Variants in NUDT3 observed in about 807,000 individuals in gnomAD.
NUDT3 encodes the protein nudix hydrolase 3, also known as diphosphoinositol polyphosphate phosphohydrolase 1.
A neutral mutation model predicts 23.6 loss-of-function variants in NUDT3; 9 were observed. That is an observed-to-expected ratio of 0.38 (90% CI 0.23 to 0.66). The LOEUF (loss-of-function observed/expected upper bound fraction) is 0.66. Ranked by LOEUF, NUDT3 falls within the 30% of genes least tolerant of loss-of-function variation. The pLI is 0.52. For missense variants in NUDT3, 172 were observed against 218.5 expected, an observed-to-expected ratio of 0.79 and a Z score of 1.34; for synonymous variants, 86 against 82.6, an observed-to-expected ratio of 1.04 and a Z score of -0.22.
At position 34,367,984 on chromosome 6, in the gene NUDT3, C is replaced by T. The variant is rs551437505; in HGVS notation, c.99+24280G>A. Reference sequence around the variant, plus strand: ...TTGGGAGGCTGAGGCAGGCGGATCACGAGGTCAGGAGTTCGAGACCAGACT... The same window carrying T: ...TTGGGAGGCTGAGGCAGGCGGATCATGAGGTCAGGAGTTCGAGACCAGACT... On this transcript the variant is annotated intron_variant, in intron 1 of 4. Coordinates refer to ENST00000607016, the MANE Select transcript of NUDT3 (RefSeq NM_006703.4). Among the ~76,000 whole-genome samples, 509 of 152,180 alleles carry T rather than the reference C, an allele frequency of 3.3e-3. 5 individuals are homozygous for T. Among genetic ancestry groups the T allele is most frequent in the Admixed American group, 7.5e-3 (115 of 15,280 alleles).
Position 34,288,951 on chromosome 6 carries a change from A to G in NUDT3, c.341-20T>C. 1.3e-6 allele frequency: 2 copies of G among 1,586,244 alleles called. No individual in the cohort carries two copies. The highest frequency in any genetic ancestry group is 1.7e-6 in the Non-Finnish European group (2 of 1,169,914). On this transcript the variant is annotated intron_variant, in intron 4 of 4. Coordinates refer to ENST00000607016, the MANE Select transcript of NUDT3 (RefSeq NM_006703.4). ...TCCTTCCTGTGGAGGCAGAGAGAAA[A>G]GAAACTAGTACAAGAGTAATAAGGT...
intron 2 of NUDT3, among the ~76,000 whole-genome samples, chr6:34,332,913 TC>T (rs1764149552): frequency 2.0e-5 from 3 of 152,156 alleles, no homozygotes; most frequent in African/African-American, 7.2e-5. Context: ...AGACACAGCT[TC>T]CCTTTTTTCC....
At chr6:34,345,086 T>C (rs565654667) in intron 1 of NUDT3, among the ~76,000 whole-genome samples, 46 of 151,956 alleles carry the variant, frequency 3.0e-4, no homozygotes, top group African/African-American at 1.0e-3. Flanking sequence ...TTTGTTCTTG[T>C]TGCCCAGGCT....
At chr6:34,361,522 T>C (rs1428103442) in intron 1 of NUDT3, among the ~76,000 whole-genome samples, 2 of 152,200 alleles carry the variant, frequency 1.3e-5, no homozygotes, top group Non-Finnish European at 2.9e-5. Context: ...TCATACTTCT[T>C]GGTATTTACC....
At chr6:34,385,819 G>A (rs1158421716) in intron 1 of NUDT3, among the ~76,000 whole-genome samples, 1 of 151,976 alleles carries the variant, frequency 6.6e-6, no homozygotes, top group East Asian at 1.9e-4. Context: ...ATGTAGCTGG[G>A]ACTACAGGCT....
At chr6:34,309,808 G>C (rs1763743758) in intron 2 of NUDT3, among the ~76,000 whole-genome samples, 1 of 152,084 alleles carries the variant, frequency 6.6e-6, no homozygotes, top group Non-Finnish European at 1.5e-5. Context: ...AGAAAACTAT[G>C]AACAACCCTG....
At chr6:34,324,474 A>G (rs1255343810) in intron 2 of NUDT3, among the ~76,000 whole-genome samples, 2 of 152,242 alleles carry the variant, frequency 1.3e-5, no homozygotes, top group South Asian at 2.1e-4. Context: ...GCATGATCAT[A>G]GCTCACTGTA....
Position 34,392,620 on chromosome 6 carries a change from C to A in NUDT3, c.-258G>T. 3.8e-6 allele frequency: 1 copy of A among 264,266 alleles called. No individual in the cohort carries two copies. Among genetic ancestry groups the A allele is most frequent in the Non-Finnish European group, 7.1e-6 (1 of 140,822 alleles). The allele number at this position is 264,266 out of a possible 1,614,324, so 16.4% of individuals were successfully genotyped here. A position where few individuals can be genotyped will look rare whatever the true frequency, so the allele number is the denominator to read the frequency against. On this transcript the variant is annotated 5_prime_UTR_variant, in exon 1 of 5. Transcript: ENST00000607016. Reference sequence around the variant, plus strand: ...GCCGCCGCCCCCTCTGCCGCCGCCACCCCCGACGACGACCGCGCCGCCATC... The same window carrying A: ...GCCGCCGCCCCCTCTGCCGCCGCCAACCCCGACGACGACCGCGCCGCCATC...
intron 2 of NUDT3, among the ~76,000 whole-genome samples, chr6:34,333,792 C>T (rs1208473547): frequency 1.3e-5 from 2 of 152,254 alleles, no homozygotes. Context: ...GTAAGGTAGA[C>T]ATTTTCAAAA....
rs1457148060 is a variant in NUDT3, at chr6:34,279,828, A to G, written c.*8925T>C. 6.6e-6 allele frequency: 1 copy of G among 152,260 alleles called. No individual in the cohort carries two copies. Among genetic ancestry groups the G allele is most frequent in the Admixed American group, 6.5e-5 (1 of 15,284 alleles). The allele number at this position is 152,260 out of a possible 1,614,324, so 9.4% of individuals were successfully genotyped here. A position where few individuals can be genotyped will look rare whatever the true frequency, so the allele number is the denominator to read the frequency against. On this transcript the variant is annotated 3_prime_UTR_variant, in exon 5 of 5. Transcript: ENST00000607016. ...CACAGGTTTAAGCATTTGTTTTTAC[A>G]AAAAGGAGTGGGATATGGGGGTGGT... is the stretch of plus-strand genomic sequence containing the variant.
intron 1 of NUDT3, among the ~76,000 whole-genome samples, chr6:34,364,356 C>A (rs992704077): frequency 5.9e-5 from 9 of 152,288 alleles, no homozygotes; most frequent in African/African-American, 2.2e-4. Context: ...TGTTCTCTAG[C>A]ATTATAAAAC....
intron 1 of NUDT3, among the ~76,000 whole-genome samples, chr6:34,386,070 A>G (rs1013648260): frequency 1.3e-5 from 2 of 152,242 alleles, no homozygotes; most frequent in African/African-American, 4.8e-5. Context: ...AAAGGAATAG[A>G]GGTAACTAAT....
rs182815160 is a variant in NUDT3 at position 34,372,738 on chromosome 6, A to G, written c.99+19526T>C. On this transcript the variant is annotated intron_variant, in intron 1 of 4. Transcript: ENST00000607016. The stretch of plus-strand genomic sequence containing the variant: ...AGAATCGCTTGAACCCAGGAGGCAG[A>G]GGTTGTGGTGGGCCCAGATCATGCC... 4.1e-3 allele frequency among the ~76,000 whole-genome samples: 624 copies of G among 152,076 alleles called. 9 individuals are homozygous for G. Among genetic ancestry groups the G allele is most frequent in the African/African-American group, 0.013 (550 of 41,504 alleles).
At chr6:34,341,770 A>G (rs1581876863) in intron 2 of NUDT3, 92 bp downstream of exon 2, 1 of 1,094,508 alleles carries the variant, frequency 9.1e-7, no homozygotes, top group East Asian at 2.6e-5. Context: ...CTGTATATTT[A>G]TTCAGTGAGT....
chr6:34,306,787 G>A (rs1399609067), intron 2 of NUDT3, among the ~76,000 whole-genome samples: 1 of 152,168 alleles, frequency 6.6e-6, no homozygotes, highest in Non-Finnish European at 1.5e-5. Flanking sequence ...CCACTAAACT[G>A]AGTAAAAAGA....
chr6:34,308,601 T>C (rs1218338382), intron 2 of NUDT3, among the ~76,000 whole-genome samples: 1 of 152,032 alleles, frequency 6.6e-6, no homozygotes, highest in Non-Finnish European at 1.5e-5. Context: ...TGGAGAGTGA[T>C]ACATACCGTG....
chr6:34,313,125 A>G (rs1156642415), intron 2 of NUDT3, among the ~76,000 whole-genome samples: 1 of 152,136 alleles, frequency 6.6e-6, no homozygotes, highest in African/African-American at 2.4e-5. Flanking sequence ...CAGTGAGCTG[A>G]GACTGCACCA....
intron 1 of NUDT3, among the ~76,000 whole-genome samples, chr6:34,378,223 C>T (rs779339134): frequency 2.6e-4 from 40 of 151,570 alleles, no homozygotes; most frequent in African/African-American, 8.5e-4. Flanking sequence ...GAAGTGCTTG[C>T]GCCCAGGAGG....
chr6:34,320,249 G>A (rs7767431), intron 2 of NUDT3, among the ~76,000 whole-genome samples: 13,409 of 151,792 alleles, frequency 0.088, 1,320 homozygotes, highest in East Asian at 0.43. Context: ...TTTTGGAGAC[G>A]GAGTCTCGTA....
Sources: allele counts gnomAD v4.1 joint callset (sites outside exome capture counted in the v4.1 genomes callset), GRCh38; gene constraint gnomAD v4.1.1; transcripts MANE v1.5; gene names NCBI Gene and HGNC (gene_info 2026-07-23, HGNC 2026-07-21).